ANKRD50: variants seen among roughly 807,000 people sequenced by gnomAD.
ANKRD50 encodes ankyrin repeat domain 50.
In ANKRD50, 40 loss-of-function variants were observed where a neutral mutation model predicts 112.0. The observed-to-expected ratio is 0.36, with a 90% CI of 0.28 to 0.46. ANKRD50 has a LOEUF of 0.46. Among genes scored for constraint, ANKRD50 ranks in the 20% least tolerant of loss-of-function variants. ANKRD50 has a pLI of 1.00. For synonymous variants in ANKRD50, 613 were observed against 619.1 expected, an observed-to-expected ratio of 0.99 and a Z score of 0.15; for missense variants, 1,487 against 1,701.7, an observed-to-expected ratio of 0.87 and a Z score of 2.22.
rs746569251 is a variant in ANKRD50, at chr4:124,670,363, C to T, written c.2914G>A (p.Val972Ile). Residue 972 changes from valine (V) to isoleucine (I), a missense_variant, in exon 4 of 5, where the codon GTA becomes ATA. Transcript: ENST00000504087. The stretch of plus-strand genomic sequence containing the variant: ...CTTCCTTCAGCATCACTTGCTTCTA[C>T]GTTTGCACCATTTTCTAAAAAATAT... Reference protein sequence around the residue: ...AEYFLENGANVEASDAEGRTA... With the variant: ...AEYFLENGANIEASDAEGRTA... The T allele has an allele frequency of 5.8e-5, 93 of 1,613,812 alleles. No individual in the cohort carries two copies. Among genetic ancestry groups the T allele is most frequent in the Non-Finnish European group, 6.9e-5 (82 of 1,179,912 alleles).
chr4:124,671,174 T>TG lies in ANKRD50; in HGVS notation c.2102dup (p.Glu702ArgfsTer5). On this transcript the variant is annotated frameshift_variant, in exon 4 of 5. Coordinates refer to ENST00000504087, the MANE Select transcript of ANKRD50 (RefSeq NM_020337.3). LOFTEE classifies it high-confidence loss of function. ...CATCAACATCCTCATGATTTACTTC[T>TG]GCTCCATGGTCCAGTAGGTGTTCCA... 1 of 1,613,930 alleles carries TG rather than the reference T, an allele frequency of 6.2e-7. No homozygotes were observed. Among genetic ancestry groups the TG allele is most frequent in the Non-Finnish European group, 8.5e-7 (1 of 1,179,852 alleles).
intron 2 of ANKRD50, 25 bp from the exon 3 acceptor site, chr4:124,678,930 T>C: frequency 6.7e-7 from 1 of 1,496,856 alleles, no homozygotes; most frequent in Non-Finnish European, 9.3e-7. Context: ...CACATGAGCA[T>C]TTTGAATGTT....
intron 2 of ANKRD50, among the ~76,000 whole-genome samples, chr4:124,686,495 C>T (rs957251454): frequency 6.6e-6 from 1 of 152,072 alleles, no homozygotes; most frequent in East Asian, 1.9e-4. Flanking sequence ...TGAAGCTCCG[C>T]CCCCAGACTA....
rs369371231 is a variant in ANKRD50, at chr4:124,682,098, C to T, written c.513-3193G>A. Reference sequence around the variant, plus strand: ...CAGGGAGGCCGAGGCGGGTGGATCACGAGGTCAGGAGATCGAGACCATCCT... The same window carrying T: ...CAGGGAGGCCGAGGCGGGTGGATCATGAGGTCAGGAGATCGAGACCATCCT... On this transcript the variant is annotated intron_variant, in intron 2 of 4. Coordinates refer to ENST00000504087, the MANE Select transcript of ANKRD50 (RefSeq NM_020337.3). 3.2e-4 allele frequency among the ~76,000 whole-genome samples: 48 copies of T among 151,960 alleles called. No individual in the cohort carries two copies. The South Asian group carries it at 8.3e-3, about 26-fold the overall frequency.
rs558866573 is a variant in ANKRD50 at position 124,684,211 on chromosome 4, T to C, written c.513-5306A>G. Among the ~76,000 whole-genome samples the C allele has an allele frequency of 3.3e-5, 5 of 152,338 alleles. No individual in the cohort carries two copies. In the East Asian group the frequency reaches 9.6e-4, roughly 29 times the overall value. ...TCCTTCCCCATTTGTTCTTGAGATA[T>C]ATTTTATGTATCCTGTGATAGCTCT... On this transcript the variant is annotated intron_variant, in intron 2 of 4. Coordinates refer to ENST00000504087, the MANE Select transcript of ANKRD50 (RefSeq NM_020337.3).
At chr4:124,705,094 A>C (rs1386500978) in intron 2 of ANKRD50, among the ~76,000 whole-genome samples, 1 of 128,040 alleles carries the variant, frequency 7.8e-6, no homozygotes, top group Non-Finnish European at 1.6e-5. Flanking sequence ...ACTCCATCTC[A>C]AAAAAACAAA....
intron 2 of ANKRD50, among the ~76,000 whole-genome samples, chr4:124,689,816 T>A (rs1412570520): frequency 6.6e-6 from 1 of 152,200 alleles, no homozygotes; most frequent in Non-Finnish European, 1.5e-5. Flanking sequence ...ACAATAAATC[T>A]CTTTTAATAC....
chr4:124,701,268 G>A (rs1725383800), intron 2 of ANKRD50, among the ~76,000 whole-genome samples: 1 of 152,044 alleles, frequency 6.6e-6, no homozygotes, highest in East Asian at 1.9e-4. Flanking sequence ...CCACCAAGAA[G>A]TACACTTTTC....
chr4:124,703,854 G>A (rs1218965996), intron 2 of ANKRD50, among the ~76,000 whole-genome samples: 1 of 152,120 alleles, frequency 6.6e-6, no homozygotes, highest in Non-Finnish European at 1.5e-5. Flanking sequence ...TAACTTCAAA[G>A]TTCTAAGTAT....
chr4:124,677,238 G>C (rs1026855636), intron 3 of ANKRD50, among the ~76,000 whole-genome samples: 4 of 151,728 alleles, frequency 2.6e-5, no homozygotes, highest in South Asian at 4.1e-4. Flanking sequence ...TTTAACTGGA[G>C]TTCAAAATGT....
chr4:124,689,174 G>A (rs959558556), intron 2 of ANKRD50, among the ~76,000 whole-genome samples: 5 of 152,098 alleles, frequency 3.3e-5, no homozygotes, highest in African/African-American at 4.8e-5. Context: ...ATTCACCACC[G>A]TATTTCCAGC....
intron 2 of ANKRD50, among the ~76,000 whole-genome samples, chr4:124,696,216 CA>C (rs990133302): frequency 2.7e-5 from 4 of 150,560 alleles, no homozygotes; most frequent in Admixed American, 2.0e-4. Context: ...ATTCTAGAAC[CA>C]AAAAAAATAT....
intron 2 of ANKRD50, among the ~76,000 whole-genome samples, chr4:124,687,418 A>C (rs1030101384): frequency 2.0e-5 from 3 of 152,202 alleles, no homozygotes; most frequent in East Asian, 3.8e-4. Context: ...AGTGTAAAAC[A>C]TAAAACTATA....
At chr4:124,690,634 A>T (rs563382267) in intron 2 of ANKRD50, among the ~76,000 whole-genome samples, 2 of 152,288 alleles carry the variant, frequency 1.3e-5, no homozygotes, top group East Asian at 3.9e-4. Context: ...TACCTTAAAA[A>T]TTTTTAAAAA....
At chr4:124,677,149 T>A (rs1476413369) in intron 3 of ANKRD50, among the ~76,000 whole-genome samples, 1 of 151,752 alleles carries the variant, frequency 6.6e-6, no homozygotes, top group East Asian at 1.9e-4. Context: ...ATTCCACATC[T>A]ACCATGAACA....
rs1466561450 is a variant in ANKRD50, at chr4:124,672,617, T to C, written c.743-83A>G. 3.2e-6 allele frequency: 3 copies of C among 931,554 alleles called. No individual in the cohort carries two copies. The Admixed American group carries it at 9.9e-5, about 31-fold the overall frequency. 57.7% of individuals were successfully genotyped at this position (931,554 alleles called of 1,614,324 possible). ...TATCTTCAAAGAGAATGTCAACATA[T>C]AATAAATAAATCAATTAATAAATTA... On this transcript the variant is annotated intron_variant, in intron 3 of 4. Coordinates refer to ENST00000504087, the MANE Select transcript of ANKRD50 (RefSeq NM_020337.3).
intron 2 of ANKRD50, among the ~76,000 whole-genome samples, chr4:124,685,044 C>T (rs1440264721): frequency 6.6e-6 from 1 of 152,214 alleles, no homozygotes; most frequent in East Asian, 1.9e-4. Flanking sequence ...AAGCAGCCCT[C>T]ATCACCATTA....
intron 2 of ANKRD50, among the ~76,000 whole-genome samples, chr4:124,697,035 T>A (rs1346098864): frequency 6.6e-6 from 1 of 152,216 alleles, no homozygotes; most frequent in African/African-American, 2.4e-5. Flanking sequence ...TACTTACAGG[T>A]TTCCTTAGAA....
intron 3 of ANKRD50, among the ~76,000 whole-genome samples, chr4:124,674,989 T>C (rs1033333549): frequency 6.6e-6 from 1 of 151,802 alleles, no homozygotes. Flanking sequence ...AATCCTCTTA[T>C]TATGAACACA....
Sources: allele counts gnomAD v4.1 joint callset (sites outside exome capture counted in the v4.1 genomes callset), GRCh38; gene constraint gnomAD v4.1.1; transcripts MANE v1.5; gene names NCBI Gene and HGNC (gene_info 2026-07-23, HGNC 2026-07-21).